SULT6B1: variants seen among roughly 807,000 people sequenced by gnomAD.
SULT6B1 encodes the protein sulfotransferase family 6B member 1, also known as sulfotransferase 6B1.
In SULT6B1, 44 loss-of-function variants were observed where a neutral mutation model predicts 37.2. That is an observed-to-expected ratio of 1.18 (90% CI 0.93 to 1.52). The LOEUF (loss-of-function observed/expected upper bound fraction) is 1.52. Ranked by LOEUF, SULT6B1 falls within the 40% of genes most tolerant of loss-of-function variation. The pLI is 0.00. For synonymous variants in SULT6B1, 140 were observed against 126.0 expected (o/e 1.11, Z -0.74); for missense variants, 450 against 361.0 (o/e 1.25, Z -2.00).
chr2:37,188,821 T>A (rs143549777), upstream of SULT6B1, among the ~76,000 whole-genome samples: 3 of 152,116 alleles, frequency 2.0e-5, no homozygotes, highest in Non-Finnish European at 4.4e-5. Context: ...AAACCACAGG[T>A]GCAAAACAGG....
At chr2:37,195,045 G>A (rs926239963) in intron 1 of SULT6B1, among the ~76,000 whole-genome samples, 14 of 151,822 alleles carry the variant, frequency 9.2e-5, no homozygotes, top group African/African-American at 3.4e-4. Context: ...TGCCTCCTGG[G>A]TTCAAGCAAC....
intron 1 of SULT6B1, chr2:37,194,436 G>T: frequency 2.3e-6 from 1 of 434,078 alleles, no homozygotes; most frequent in Non-Finnish European, 4.5e-6. Flanking sequence ...AAAGTACAGA[G>T]CTTATTTGGT....
At chr2:37,170,545 C>T (rs1676270652) in intron 6 of SULT6B1, among the ~76,000 whole-genome samples, 1 of 151,670 alleles carries the variant, frequency 6.6e-6, no homozygotes, top group Non-Finnish European at 1.5e-5. Context: ...GCCTGTAATC[C>T]AGCACTTTGG....
rs1050342446 is a variant in SULT6B1, at chr2:37,170,760, A to C, written c.781+674T>G. Among the ~76,000 whole-genome samples, 125 of 127,502 alleles carry C rather than the reference A, an allele frequency of 9.8e-4. 1 individual carries two copies. The highest frequency in any genetic ancestry group is 1.3e-3 in the African/African-American group (48 of 36,596). The allele number at this position is 127,502 out of a possible 152,430, so 83.6% of individuals were successfully genotyped here. On this transcript the variant is annotated intron_variant, in intron 6 of 6. Transcript: ENST00000535679. Reference sequence around the variant, plus strand: ...CTCAAAAAAAAAAAAAAAAAAAAAAACTCACTGATGGGGCTTCCAGGAAAG... The same window carrying C: ...CTCAAAAAAAAAAAAAAAAAAAAAACCTCACTGATGGGGCTTCCAGGAAAG...
At position 37,171,458 on chromosome 2, in the gene SULT6B1, C is replaced by A; in HGVS notation, c.757G>T (p.Val253Phe). The A allele has an allele frequency of 6.2e-7, 1 of 1,613,880 alleles. No homozygotes were observed. The highest frequency in any genetic ancestry group is 1.1e-5 in the South Asian group (1 of 90,980). The change falls in exon 6 of 7, where the codon GTC becomes TTC. Residue 253 changes from valine (V) to phenylalanine (F), a missense_variant. By Grantham distance (50) the Val-to-Phe change is conservative. Transcript: ENST00000535679. The part of the protein sequence containing the change: ...RAKSQDTHGA[V>F]GPFLFRKGEV... ...CCTTTGCGGAAAAGGAATGGGCCGA[C>A]AGCACCGTGTGTGTCCTGAGACTTC...
chr2:37,183,355 G>C (rs1193446089), intron 3 of SULT6B1, 70 bp downstream of exon 3: 8 of 1,203,732 alleles, frequency 6.6e-6, no homozygotes, highest in East Asian at 2.4e-5. Flanking sequence ...ACAAACTCAT[G>C]ATCTACTTCC....
intron 2 of SULT6B1, among the ~76,000 whole-genome samples, chr2:37,184,470 G>C (rs1676626044): frequency 6.6e-6 from 1 of 152,178 alleles, no homozygotes; most frequent in African/African-American, 2.4e-5. Context: ...CTTACAATCA[G>C]ACCATTAGTA....
At chr2:37,179,680 T>G in intron 3 of SULT6B1, 96 bp from the exon 4 acceptor site, 1 of 1,081,656 alleles carries the variant, frequency 9.2e-7, no homozygotes, top group Admixed American at 2.2e-5. Flanking sequence ...ACTCGTATAT[T>G]ACATAATTGT....
intron 2 of SULT6B1, among the ~76,000 whole-genome samples, chr2:37,185,405 T>G (rs1676648779): frequency 6.6e-6 from 1 of 152,158 alleles, no homozygotes; most frequent in African/African-American, 2.4e-5. Flanking sequence ...TTCATTTCAC[T>G]GATTTCCATT....
At chr2:37,174,474 A>G (rs1280267762) in intron 5 of SULT6B1, among the ~76,000 whole-genome samples, 1 of 151,952 alleles carries the variant, frequency 6.6e-6, no homozygotes, top group Non-Finnish European at 1.5e-5. Context: ...TTGGGATTGT[A>G]GGCATGAACC....
intron 5 of SULT6B1, among the ~76,000 whole-genome samples, chr2:37,173,087 A>C (rs1387826653): frequency 6.6e-6 from 1 of 151,756 alleles, no homozygotes; most frequent in Non-Finnish European, 1.5e-5. Flanking sequence ...TCCCGACCTC[A>C]GGTGATCCAC....
In SULT6B1 at chr2:37,179,419, C is replaced by A. The variant is rs369858623; in HGVS notation, c.529+39G>T. The A allele has an allele frequency of 3.1e-6, 5 of 1,609,244 alleles. No homozygotes were observed. In the African/African-American group the frequency reaches 6.7e-5, roughly 22 times the overall value. ...TGGGTTTTCACATTTATGTGGTCAT[C>A]TGATCAAGTAAGAATAATTCTTTTA... is the stretch of plus-strand genomic sequence containing the variant. On this transcript the variant is annotated intron_variant, in intron 4 of 6. Transcript: ENST00000535679.
intron 1 of SULT6B1, among the ~76,000 whole-genome samples, chr2:37,193,691 A>C (rs1676835028): frequency 6.6e-6 from 1 of 152,060 alleles, no homozygotes; most frequent in South Asian, 2.1e-4. Context: ...GAAAATATGA[A>C]AAGAAATGTC....
intron 2 of SULT6B1, among the ~76,000 whole-genome samples, chr2:37,186,697 G>A (rs992457932): frequency 6.6e-6 from 1 of 151,872 alleles, no homozygotes; most frequent in Admixed American, 6.6e-5. Flanking sequence ...TTCATGACCA[G>A]CCTGAGCAAC....
At chr2:37,170,534 C>T (rs756898944) in intron 6 of SULT6B1, among the ~76,000 whole-genome samples, 53 of 151,966 alleles carry the variant, frequency 3.5e-4, no homozygotes, top group Non-Finnish European at 2.6e-4. Context: ...CAGTGGCTCA[C>T]GCCTGTAATC....
intron 5 of SULT6B1, 148 bp downstream of exon 5, chr2:37,174,984 A>G: frequency 2.3e-6 from 1 of 427,950 alleles, no homozygotes; most frequent in Admixed American, 4.4e-5. Flanking sequence ...GCATGGTTTG[A>G]ATTTTCTTTT....
rs1192824304 is a variant in SULT6B1 at position 37,188,619 on chromosome 2, T to C, written c.22A>G (p.Ile8Val). 1.4e-6 allele frequency: 2 copies of C among 1,401,342 alleles called. No homozygotes were observed. The highest frequency in any genetic ancestry group is 2.0e-6 in the Non-Finnish European group (2 of 990,732). 86.8% of individuals were successfully genotyped at this position (1,401,342 alleles called of 1,614,324 possible). The change falls in exon 1 of 7, where the codon ATT (isoleucine) becomes GTT (valine). Residue 8 changes from isoleucine to valine, a missense_variant. Ile to Val is a conservative substitution (Grantham distance 29). Transcript: ENST00000535679. ...TCTAAAGCTTCGTCAATGTATTCAATAAATTTGGATTTATCAGCCATGGTG... is the reference window on the plus strand; with the variant it reads ...TCTAAAGCTTCGTCAATGTATTCAACAAATTTGGATTTATCAGCCATGGTG... MADKSKF[I>V]EYIDEALEKS...
upstream of SULT6B1, among the ~76,000 whole-genome samples, chr2:37,193,605 A>AGAAGAAGAAGAAGAAGAAGAAGAG (rs1676828931): frequency 2.0e-4 from 25 of 124,670 alleles, no homozygotes; most frequent in African/African-American, 7.8e-4. Flanking sequence ...AAAAAGAAGA[A>AGAAGAAGAAGAAGAAGAAGAAGAG]GAAGAAGAAG....
intron 1 of SULT6B1, among the ~76,000 whole-genome samples, chr2:37,194,148 T>C (rs1178234544): frequency 6.6e-6 from 1 of 152,204 alleles, no homozygotes; most frequent in Non-Finnish European, 1.5e-5. Context: ...GATTCAGTGG[T>C]TAGTTCTCAT....
Sources: gnomAD v4.1 joint callset for allele counts (sites outside exome capture counted in the v4.1 genomes callset) on GRCh38, gnomAD v4.1.1 for gene constraint, MANE v1.5 for transcripts, NCBI Gene and HGNC (gene_info 2026-07-23, HGNC 2026-07-21) for gene names.